KDM2B: variants seen among roughly 807,000 people sequenced by gnomAD.
KDM2B encodes the protein lysine demethylase 2B.
In KDM2B, 26 loss-of-function variants were observed where a neutral mutation model predicts 150.0. That is an observed-to-expected ratio of 0.17 (90% CI 0.13 to 0.24). The LOEUF (loss-of-function observed/expected upper bound fraction) is 0.24, where lower values mean the gene tolerates loss of function less well. Among genes scored for constraint, KDM2B ranks in the 10% least tolerant of loss-of-function variants. The probability of loss-of-function intolerance (pLI) is 1.00; values close to 1 mark genes in which losing one functional copy is unlikely to be tolerated. For synonymous variants in KDM2B, 734 were observed against 729.5 expected (o/e 1.01, Z -0.10); for missense variants, 1,265 against 1,816.9 (o/e 0.70, Z 5.52).
At chr12:121,463,751 TG>T (rs1208515879) in intron 12 of KDM2B, among the ~76,000 whole-genome samples, 1 of 152,144 alleles carries the variant, frequency 6.6e-6, no homozygotes, top group Non-Finnish European at 1.5e-5. Context: ...GGCTAATTTT[TG>T]TACTTTTTTG....
At chr12:121,539,901 G>A (rs1000087303) in intron 6 of KDM2B, among the ~76,000 whole-genome samples, 2 of 151,922 alleles carry the variant, frequency 1.3e-5, no homozygotes, top group African/African-American at 2.4e-5. Flanking sequence ...CACTACACCC[G>A]GCTGATTTTT....
chr12:121,578,355 G>A (rs553581124), intron 2 of KDM2B, among the ~76,000 whole-genome samples: 1 of 152,290 alleles, frequency 6.6e-6, no homozygotes, highest in African/African-American at 2.4e-5. Context: ...GCCCCAAGCG[G>A]GAACGGGATT....
chr12:121,528,082 G>T (rs538166969), intron 8 of KDM2B, among the ~76,000 whole-genome samples: 23 of 152,304 alleles, frequency 1.5e-4, no homozygotes, highest in African/African-American at 5.5e-4. Context: ...TGGCCTTGAT[G>T]TCCTGACCCT....
intron 20 of KDM2B, 36 bp from the exon 21 acceptor site, chr12:121,441,013 T>C (rs1181349784): frequency 6.2e-7 from 1 of 1,612,318 alleles, no homozygotes; most frequent in Non-Finnish European, 8.5e-7. Context: ...GGTCAGGGGA[T>C]GTGTCCCCAG....
intron 4 of KDM2B, among the ~76,000 whole-genome samples, chr12:121,564,856 T>A (rs1454087177): frequency 6.6e-6 from 1 of 152,022 alleles, no homozygotes; most frequent in East Asian, 1.9e-4. Context: ...TGAGACAGGA[T>A]CCCTCTCTGT....
At chr12:121,580,251 G>GT (rs1162578410) in intron 1 of KDM2B, 62 of 1,230,178 alleles carry the variant, frequency 5.0e-5, no homozygotes, top group Admixed American at 1.6e-4. Context: ...TTCAGCAGTT[G>GT]TGGGGGGGGG....
In KDM2B at chr12:121,447,733, G is replaced by A. The variant is rs543023031; in HGVS notation, c.1960-2315C>T. Among the ~76,000 whole-genome samples, 40 of 151,152 alleles carry A rather than the reference G, an allele frequency of 2.6e-4. 1 individual carries two copies. Among genetic ancestry groups the A allele is most frequent in the Admixed American group, 1.7e-3 (26 of 15,178 alleles). The stretch of plus-strand genomic sequence containing the variant: ...GTCTGGAGTGCAGTGACATGATCTC[G>A]GCTCACTGCAACCTCTGTCTGCCTC... On this transcript the variant is annotated intron_variant, in intron 13 of 22. Transcript: ENST00000377071.
intron 6 of KDM2B, among the ~76,000 whole-genome samples, chr12:121,545,192 T>C (rs1555310505): frequency 6.6e-6 from 1 of 152,218 alleles, no homozygotes. Flanking sequence ...GCTTATTAAC[T>C]GAAATCGGTA....
intron 20 of KDM2B, 43 bp from the exon 21 acceptor site, chr12:121,441,020 C>T: frequency 6.2e-7 from 1 of 1,612,532 alleles, no homozygotes; most frequent in East Asian, 2.2e-5. Flanking sequence ...GGATGTGTCC[C>T]CAGCCCTCAC....
Position 121,443,957 on chromosome 12 carries a change from C to G in KDM2B, c.2451+55G>C. 5 of 1,558,512 alleles carry G rather than the reference C, an allele frequency of 3.2e-6. No homozygotes were observed. The South Asian group carries it at 4.9e-5, about 15-fold the overall frequency. On this transcript the variant is annotated intron_variant, in intron 16 of 22. Coordinates refer to ENST00000377071, the MANE Select transcript of KDM2B (RefSeq NM_032590.5). ...CCCCTGCCCCATCCCTCCAACCCAG[C>G]ACCCGGGACCAGCCAGACCAACCCC...
intron 4 of KDM2B, among the ~76,000 whole-genome samples, chr12:121,565,070 C>T (rs1288547034): frequency 2.0e-5 from 3 of 151,986 alleles, no homozygotes; most frequent in African/African-American, 7.3e-5. Context: ...TAGACTCAAG[C>T]GATCCTCCCT....
chr12:121,565,047 G>T lies in KDM2B; in HGVS notation c.397+9500C>A, dbSNP rs372294558. On this transcript the variant is annotated intron_variant, in intron 4 of 22. Coordinates refer to ENST00000377071, the MANE Select transcript of KDM2B (RefSeq NM_032590.5). ...GGGGTTTCATCATGTTGCCTAGGCT[G>T]GTCTCAAACTCCTAGACTCAAGCGA... 3.0e-3 allele frequency among the ~76,000 whole-genome samples: 454 copies of T among 152,126 alleles called. 1 individual carries two copies. The highest frequency in any genetic ancestry group is 0.01 in the African/African-American group (418 of 41,486).
intron 1 of KDM2B, chr12:121,580,252 TG>T (rs375094381): frequency 0.13 from 94,489 of 705,766 alleles, 164 homozygotes; most frequent in East Asian, 0.21. Flanking sequence ...TCAGCAGTTG[TG>T]GGGGGGGGGA....
At chr12:121,558,547 G>A (rs1890080241) in intron 4 of KDM2B, among the ~76,000 whole-genome samples, 1 of 149,684 alleles carries the variant, frequency 6.7e-6, no homozygotes, top group African/African-American at 2.5e-5. Flanking sequence ...TCCGCCTCTT[G>A]GGTTCAAGCG....
rs928383835 is a variant in KDM2B, at chr12:121,442,098, G to A, written c.3284+59C>T. ...CATCGCCAGCGACTCCACACACCAC[G>A]GGCCATCCCTGGTGCCGCCTGAGCC... On this transcript the variant is annotated intron_variant, in intron 19 of 22. Transcript: ENST00000377071. This position sits in a 1 kb window ranked among gnomAD's most constrained non-coding sequence, Gnocchi z 7.7. 63 of 1,410,068 alleles carry A rather than the reference G, an allele frequency of 4.5e-5. No individual in the cohort carries two copies. Among genetic ancestry groups the A allele is most frequent in the South Asian group, 2.2e-4 (19 of 86,158 alleles). The allele number at this position is 1,410,068 out of a possible 1,614,324, so 87.3% of individuals were successfully genotyped here.
At chr12:121,440,350 G>A (rs1019188993) in intron 21 of KDM2B, 2 of 497,540 alleles carry the variant, frequency 4.0e-6, no homozygotes, top group East Asian at 3.7e-5. Flanking sequence ...CAGAGGCTGC[G>A]CAGCATCTCC....
chr12:121,443,669 C>A lies in KDM2B; in HGVS notation c.2565+11G>T. On this transcript the variant is annotated intron_variant, in intron 17 of 22. Transcript: ENST00000377071. ...CCCGGGGCCTCAGGAGGGCGTGCGT[C>A]GTGGGAGCACCTGCTGCTGGAAGTA... is the stretch of plus-strand genomic sequence containing the variant. The A allele has an allele frequency of 1.3e-6, 2 of 1,575,842 alleles. No homozygotes were observed. Among genetic ancestry groups the A allele is most frequent in the African/African-American group, 2.7e-5 (2 of 74,280 alleles).
At chr12:121,415,341 C>A in the KDM2B span, 1 of 370,234 alleles carries the variant, frequency 2.7e-6, no homozygotes, top group Non-Finnish European at 5.8e-6. Context: ...AATTTATGGG[C>A]CTGGCATAGT....
At chr12:121,572,119 G>A (rs1165173138) in intron 4 of KDM2B, among the ~76,000 whole-genome samples, 2 of 152,136 alleles carry the variant, frequency 1.3e-5, no homozygotes, top group Non-Finnish European at 2.9e-5. Flanking sequence ...GATCGCTTAG[G>A]CCCAGGAGTT....
Sources: allele counts gnomAD v4.1 joint callset (sites outside exome capture counted in the v4.1 genomes callset), GRCh38; gene constraint gnomAD v4.1.1; non-coding constraint Gnocchi (gnomAD v3.1); transcripts MANE v1.5; gene names NCBI Gene and HGNC (gene_info 2026-07-23, HGNC 2026-07-21).